Variants in DNAJC21 observed in about 807,000 individuals in gnomAD.
DNAJC21 encodes the protein DnaJ heat shock protein family (Hsp40) member C21, also known as dnaJ homolog subfamily C member 21.
A neutral mutation model predicts 72.4 loss-of-function variants in DNAJC21; 63 were observed. The ratio of observed to expected loss-of-function variants is 0.87; its 90% CI spans 0.71 to 1.07. DNAJC21 has a LOEUF of 1.07. Ranked by LOEUF, DNAJC21 falls within the 50% of genes least tolerant of loss-of-function variation. The pLI, the probability that DNAJC21 is intolerant of heterozygous loss-of-function variation, is 0.00. For missense variants in DNAJC21, 634 were observed against 644.8 expected (o/e 0.98, Z 0.18); for synonymous variants, 203 against 216.7 (o/e 0.94, Z 0.56).
chr5:34,951,059 C>T (rs1050165881), intron 10 of DNAJC21: 1 of 985,504 alleles, frequency 1.0e-6, no homozygotes, highest in Non-Finnish European at 1.2e-6. Flanking sequence ...AAAATGCTAA[C>T]ACTGGAGCAA....
chr5:34,933,767 T>G (rs1433219522), intron 1 of DNAJC21, 48 bp from the exon 2 acceptor site: 1 of 1,490,786 alleles, frequency 6.7e-7, no homozygotes, highest in Middle Eastern at 1.7e-4. Context: ...TTATTTAGAT[T>G]CTGTCCTGTA....
chr5:34,930,162 T>G, intron 1 of DNAJC21: 1 of 298,998 alleles, frequency 3.3e-6, no homozygotes, highest in Non-Finnish European at 6.3e-6. Context: ...GCATCGCCAC[T>G]GTAGGGGGAA....
intron 7 of DNAJC21, among the ~76,000 whole-genome samples, chr5:34,942,463 T>A (rs1276977498): frequency 6.6e-6 from 1 of 152,070 alleles, no homozygotes; most frequent in Non-Finnish European, 1.5e-5. Flanking sequence ...TATTACCATA[T>A]GACCTCAGGG....
intron 8 of DNAJC21, 92 bp from the exon 9 acceptor site, chr5:34,945,669 C>A: frequency 9.4e-7 from 1 of 1,067,494 alleles, no homozygotes; most frequent in Non-Finnish European, 1.3e-6. Flanking sequence ...TTCTGTTTTA[C>A]TACTTTATCA....
At chr5:34,942,338 G>A (rs1765022579) in intron 7 of DNAJC21, among the ~76,000 whole-genome samples, 1 of 152,004 alleles carries the variant, frequency 6.6e-6, no homozygotes, top group Admixed American at 6.6e-5. Flanking sequence ...AAAGGAGGGA[G>A]GAAACAACAC....
At chr5:34,952,785 T>G (rs1765418868) in intron 10 of DNAJC21, 1 of 152,176 alleles carries the variant, frequency 6.6e-6, no homozygotes, top group African/African-American at 2.4e-5. Flanking sequence ...GAAAAATGCA[T>G]TACAAAGTCT....
chr5:34,934,356 G>A (rs1487260089), intron 2 of DNAJC21, among the ~76,000 whole-genome samples: 1 of 151,520 alleles, frequency 6.6e-6, no homozygotes. Flanking sequence ...AGCCTCCTGA[G>A]TAGCTGGGAC....
At position 34,937,651 on chromosome 5, in the gene DNAJC21, C is replaced by T. The variant is rs751671762; in HGVS notation, c.743+21C>T. 23 of 1,593,528 alleles carry T rather than the reference C, an allele frequency of 1.4e-5. No individual in the cohort carries two copies. The Admixed American group carries it at 3.7e-4, about 25-fold the overall frequency. The stretch of plus-strand genomic sequence containing the variant: ...GCCAAGTGCGTAGCGTGCGTGGGGC[C>T]CTCTTCTCAGTATCGGTGGGGGTCA... On this transcript the variant is annotated intron_variant, in intron 5 of 11. Transcript: ENST00000648817.
chr5:34,940,986 TA>T (rs1300349791), intron 6 of DNAJC21, 109 bp from the exon 7 acceptor site: 13 of 899,786 alleles, frequency 1.4e-5, no homozygotes, highest in South Asian at 1.0e-4. Context: ...TCCTTAGGAT[TA>T]TTTTTTTTTA....
chr5:34,930,124 ATCTC>A (rs1268233625), intron 1 of DNAJC21: 6 of 376,284 alleles, frequency 1.6e-5, no homozygotes, highest in African/African-American at 1.3e-4. Flanking sequence ...CTCACACCCC[ATCTC>A]CTCATACCCG....
chr5:34,938,599 C>T (rs1359937426), intron 5 of DNAJC21, among the ~76,000 whole-genome samples: 1 of 152,228 alleles, frequency 6.6e-6, no homozygotes, highest in Non-Finnish European at 1.5e-5. Context: ...TTAAAATCAT[C>T]TGAAGACTTT....
At position 34,938,951 on chromosome 5, in the gene DNAJC21, T is replaced by G. The variant is rs1285425477; in HGVS notation, c.837T>G (p.Phe279Leu). 1 of 1,614,024 alleles carries G rather than the reference T, an allele frequency of 6.2e-7. No individual in the cohort carries two copies. The highest frequency in any genetic ancestry group is 8.5e-7 in the Non-Finnish European group (1 of 1,179,956). ...QEMEARYEKE[F>L]GDGSDENEME... Reference sequence around the variant, plus strand: ...TGGAGGCACGGTACGAGAAGGAGTTTGGAGATGGATCGGATGAAAATGAAA... The same window carrying G: ...TGGAGGCACGGTACGAGAAGGAGTTGGGAGATGGATCGGATGAAAATGAAA... Residue 279 changes from phenylalanine to leucine, a missense_variant, in exon 6 of 12, where the codon TTT becomes TTG. By Grantham distance (22) the Phe-to-Leu change is conservative. Coordinates refer to ENST00000648817, the MANE Select transcript of DNAJC21 (RefSeq NM_001012339.3).
intron 10 of DNAJC21, chr5:34,952,695 G>A (rs1421769871): frequency 6.6e-6 from 1 of 151,856 alleles, no homozygotes; most frequent in Admixed American, 6.6e-5. Flanking sequence ...GGTATGGTGG[G>A]GAAAAACCAT....
chr5:34,935,696 T>G lies in DNAJC21; in HGVS notation c.192-14T>G, dbSNP rs779945227. Reference sequence around the variant, plus strand: ...TATTCAGCCTTCACAATGATGCTAATTTTTGTTTTTCAGGTATGATAATCA... The same window carrying G: ...TATTCAGCCTTCACAATGATGCTAAGTTTTGTTTTTCAGGTATGATAATCA... On this transcript the variant is annotated splice_polypyrimidine_tract_variant and intron_variant, in intron 2 of 11. Coordinates refer to ENST00000648817, the MANE Select transcript of DNAJC21 (RefSeq NM_001012339.3). The G allele has an allele frequency of 5.8e-5, 93 of 1,613,572 alleles. No homozygotes were observed. The highest frequency in any genetic ancestry group is 7.6e-5 in the Non-Finnish European group (90 of 1,179,774).
chr5:34,937,250 C>T lies in DNAJC21; in HGVS notation c.439-76C>T, dbSNP rs1404317077. Reference sequence around the variant, plus strand: ...GAAAAAAGAAAGGTAAAAGATGTTTCGCATCAGTAATATTTACTGCTTTTC... The same window carrying T: ...GAAAAAAGAAAGGTAAAAGATGTTTTGCATCAGTAATATTTACTGCTTTTC... On this transcript the variant is annotated intron_variant, in intron 4 of 11. Transcript: ENST00000648817. 8.4e-6 allele frequency: 12 copies of T among 1,420,690 alleles called. No homozygotes were observed. The African/African-American group carries it at 1.2e-4, about 14-fold the overall frequency. The allele number at this position is 1,420,690 out of a possible 1,614,324, so 88.0% of individuals were successfully genotyped here.
intron 2 of DNAJC21, 124 bp downstream of exon 2, chr5:34,934,032 C>T (rs1580523297): frequency 1.5e-6 from 1 of 688,400 alleles, no homozygotes; most frequent in Non-Finnish European, 2.3e-6. Context: ...ACATCTGTCA[C>T]CTAGTCATCA....
At chr5:34,944,788 G>A (rs1561188063) in intron 7 of DNAJC21, 79 bp from the exon 8 acceptor site, 1 of 1,560,320 alleles carries the variant, frequency 6.4e-7, no homozygotes, top group Non-Finnish European at 8.7e-7. Context: ...ATTTTATCTT[G>A]GTTGCAGTTA....
At chr5:34,930,712 G>C (rs1764562378) in intron 1 of DNAJC21, among the ~76,000 whole-genome samples, 2 of 152,140 alleles carry the variant, frequency 1.3e-5, no homozygotes, top group African/African-American at 4.8e-5. Flanking sequence ...TTTCATATTA[G>C]CATTCATCAG....
At chr5:34,933,588 G>C (rs1324911410) in intron 1 of DNAJC21, among the ~76,000 whole-genome samples, 2 of 152,128 alleles carry the variant, frequency 1.3e-5, no homozygotes, top group African/African-American at 4.8e-5. Context: ...CCAGTTGACT[G>C]TTTAGTGATG....
Sources: allele counts gnomAD v4.1 joint callset (sites outside exome capture counted in the v4.1 genomes callset), GRCh38; gene constraint gnomAD v4.1.1; transcripts MANE v1.5; gene names NCBI Gene and HGNC (gene_info 2026-07-23, HGNC 2026-07-21).